TMEM63A: variants seen among roughly 807,000 people sequenced by gnomAD.
TMEM63A encodes the protein transmembrane protein 63A.
Under a neutral mutation model 100.6 loss-of-function variants are expected in TMEM63A, and 76 were observed. The ratio of observed to expected loss-of-function variants is 0.76; its 90% confidence interval spans 0.63 to 0.91. TMEM63A has a LOEUF of 0.91. Among genes scored for constraint, TMEM63A ranks in the 40% least tolerant of loss-of-function variants. TMEM63A has a pLI of 0.00. For synonymous variants in TMEM63A, 401 were observed against 401.1 expected (o/e 1.00, Z 0.00); for missense variants, 876 against 1,008.8 (o/e 0.87, Z 1.78).
chr1:225,851,339 C>T (rs1669328439), intron 20 of TMEM63A, among the ~76,000 whole-genome samples: 1 of 152,136 alleles, frequency 6.6e-6, no homozygotes, highest in Non-Finnish European at 1.5e-5. Context: ...GTGGGTGCTG[C>T]CTTTTCTATT....
chr1:225,867,134 T>C lies in TMEM63A; in HGVS notation c.544A>G (p.Thr182Ala), dbSNP rs1670255795. 6.2e-7 allele frequency: 1 copy of C among 1,614,012 alleles called. No homozygotes were observed. The highest frequency in any genetic ancestry group is 1.3e-5 in the African/African-American group (1 of 74,902). ...CACTCAGTCTGTAGGTTTGCTATTG[T>C]TGTCCTCCCAAAACTATACGGGTCT... ...DKDPYSFGRT[T>A]IANLQTDNDL... Residue 182 changes from threonine (T) to alanine (A), a missense_variant, in exon 8 of 25, where the codon ACA (threonine) becomes GCA (alanine). By Grantham distance (58) the Thr-to-Ala change is moderately conservative (BLOSUM62 0). Coordinates refer to ENST00000366835, the MANE Select transcript of TMEM63A (RefSeq NM_014698.3). The surrounding 1 kb of genome is among the most constrained non-coding windows in gnomAD (Gnocchi z 4.6).
In TMEM63A at chr1:225,865,650, T is replaced by C. The variant is rs1365937836; in HGVS notation, c.746+247A>G. 4 of 514,594 alleles carry C rather than the reference T, an allele frequency of 7.8e-6. No homozygotes were observed. The Admixed American group carries it at 9.4e-5, about 12-fold the overall frequency. The allele number at this position is 514,594 out of a possible 1,614,324, so 31.9% of individuals were successfully genotyped here. The stretch of plus-strand genomic sequence containing the variant: ...CGCACCTACACCCTGGTCTGTGCTC[T>C]GGACACTGTGCACAGGCTGCTTGAA... On this transcript the variant is annotated intron_variant, in intron 10 of 24. Transcript: ENST00000366835. This position sits in a 1 kb window ranked among gnomAD's most constrained non-coding sequence, Gnocchi z 4.6.
chr1:225,861,136 G>T, intron 13 of TMEM63A, 139 bp from the exon 14 acceptor site: 1 of 985,818 alleles, frequency 1.0e-6, no homozygotes, highest in Non-Finnish European at 1.4e-6. Context: ...TATGAGTAAC[G>T]CTATGTAAGA....
Position 225,859,236 on chromosome 1 carries a change from A to G in TMEM63A, c.1337T>C (p.Met446Thr), listed in dbSNP as rs982550757. Residue 446 changes from methionine to threonine, a missense_variant, in exon 15 of 25, where the codon ATG (methionine) becomes ACG (threonine). This residue lies in a region of TMEM63A where 487 missense variants were observed against 581.9 expected (regional missense o/e 0.84). Transcript: ENST00000366835. Reference sequence around the variant, plus strand: ...GGGTTTGGTGACATTAAACTTGTCCATGGTGGACAGGATGATGGAGGGTGT... The same window carrying G: ...GGGTTTGGTGACATTAAACTTGTCCGTGGTGGACAGGATGATGGAGGGTGT... ...LTTPSIILST[M>T]DKFNVTKPIH... is the part of the protein sequence containing the mutation. 1.2e-6 allele frequency: 2 copies of G among 1,614,134 alleles called. No individual in the cohort carries two copies. Among genetic ancestry groups the G allele is most frequent in the Non-Finnish European group, 1.7e-6 (2 of 1,180,028 alleles).
Position 225,867,861 on chromosome 1 carries a change from A to G in TMEM63A, c.514+27T>C. On this transcript the variant is annotated intron_variant, in intron 7 of 24. Transcript: ENST00000366835. The surrounding 1 kb of genome is among the most constrained non-coding windows in gnomAD (Gnocchi z 4.6). Reference sequence around the variant, plus strand: ...GACTGCCACTCTGCCCCATTACAACATAGACAAGGGTGAGGAGGGTCATTA... The same window carrying G: ...GACTGCCACTCTGCCCCATTACAACGTAGACAAGGGTGAGGAGGGTCATTA... 3 of 1,613,826 alleles carry G rather than the reference A, an allele frequency of 1.9e-6. No homozygotes were observed. The highest frequency in any genetic ancestry group is 2.5e-6 in the Non-Finnish European group (3 of 1,179,854).
chr1:225,858,861 C>T (rs999529607), intron 15 of TMEM63A, among the ~76,000 whole-genome samples: 3 of 152,002 alleles, frequency 2.0e-5, no homozygotes, highest in African/African-American at 7.3e-5. Context: ...GAATATACCA[C>T]ATTCAACTCA....
At chr1:225,858,116 C>T (rs565029528) in intron 15 of TMEM63A, among the ~76,000 whole-genome samples, 1 of 152,118 alleles carries the variant, frequency 6.6e-6, no homozygotes, top group East Asian at 1.9e-4. Flanking sequence ...CCACCTGCCC[C>T]GTGTGCTTTC....
chr1:225,871,858 C>T, intron 5 of TMEM63A, 129 bp downstream of exon 5: 1 of 673,596 alleles, frequency 1.5e-6, no homozygotes. Flanking sequence ...AGTTCAGGTG[C>T]CTTCGTCGAT....
chr1:225,869,166 C>A (rs965652897), intron 6 of TMEM63A, among the ~76,000 whole-genome samples: 1 of 152,206 alleles, frequency 6.6e-6, no homozygotes, highest in African/African-American at 2.4e-5. Flanking sequence ...ATGGAGCTTA[C>A]CCGCCTCTGA....
downstream of TMEM63A, chr1:225,842,498 A>G (rs1055693110): frequency 5.2e-6 from 8 of 1,544,218 alleles, no homozygotes; most frequent in Middle Eastern, 5.1e-4. Context: ...TTGCCCCTGC[A>G]GTCATGACCC....
chr1:225,870,950 T>C, intron 6 of TMEM63A, 126 bp downstream of exon 6: 1 of 997,174 alleles, frequency 1.0e-6, no homozygotes, highest in Non-Finnish European at 1.5e-6. Context: ...CTTTGGACAT[T>C]AACTAAAAAG....
At chr1:225,844,641 G>T, downstream of TMEM63A, 1 of 1,613,530 alleles carries the variant, frequency 6.2e-7, no homozygotes, top group Non-Finnish European at 8.5e-7. Flanking sequence ...TGGCTGAGCC[G>T]AGAACAGGGG....
intron 22 of TMEM63A, 83 bp downstream of exon 22, chr1:225,848,814 G>A: frequency 3.6e-6 from 4 of 1,117,714 alleles, no homozygotes; most frequent in Non-Finnish European, 5.3e-6. Flanking sequence ...ATACAGACAA[G>A]GGTGGGCGGG....
chr1:225,856,385 G>A (rs1669614494), intron 17 of TMEM63A, among the ~76,000 whole-genome samples: 1 of 146,532 alleles, frequency 6.8e-6, no homozygotes, highest in Non-Finnish European at 1.5e-5. Context: ...AGCACTTTGG[G>A]AGGCCGAGGC....
chr1:225,867,782 A>T lies in TMEM63A; in HGVS notation c.514+106T>A, dbSNP rs745509226. 23 of 1,426,980 alleles carry T rather than the reference A, an allele frequency of 1.6e-5. No individual in the cohort carries two copies. Among genetic ancestry groups the T allele is most frequent in the Non-Finnish European group, 2.2e-5 (23 of 1,046,564 alleles). The allele number at this position is 1,426,980 out of a possible 1,614,324, so 88.4% of individuals were successfully genotyped here. A position where few individuals can be genotyped will look rare whatever the true frequency, so the allele number is the denominator to read the frequency against. ...TCACCCTGAGACCATCTTACATCTG[A>T]AGTGGGGCATGACTCCTGGGGTTCT... On this transcript the variant is annotated intron_variant, in intron 7 of 24. Coordinates refer to ENST00000366835, the MANE Select transcript of TMEM63A (RefSeq NM_014698.3). This position sits in a 1 kb window ranked among gnomAD's most constrained non-coding sequence, Gnocchi z 4.6.
Position 225,862,498 on chromosome 1 carries a change from G to C in TMEM63A, c.908C>G (p.Pro303Arg), listed in dbSNP as rs141742746. The change falls in exon 12 of 25, where the codon CCC becomes CGC. Residue 303 changes from proline (P) to arginine (R), a missense_variant. Physicochemically the swap from Pro to Arg is moderately radical, Grantham distance 103. Transcript: ENST00000366835. This position sits in a 1 kb window ranked among gnomAD's most constrained non-coding sequence, Gnocchi z 5.1. The stretch of plus-strand genomic sequence containing the variant: ...TTCACAGCAGCAAAACTGGCCACAG[G>C]GCTTGGGGTTGATGAGGGTCCGCTG... ...TGQRTLINPK[P>R]CGQFCCCEVL... The C allele has an allele frequency of 3.7e-6, 6 of 1,614,060 alleles. No individual in the cohort carries two copies. The African/African-American group carries it at 8.0e-5, about 22-fold the overall frequency.
At chr1:225,854,850 G>A (rs557093577) in intron 18 of TMEM63A, among the ~76,000 whole-genome samples, 14 of 152,304 alleles carry the variant, frequency 9.2e-5, no homozygotes, top group Admixed American at 7.8e-4. Context: ...ATCTAGAGTT[G>A]GGGAGATGGG....
At chr1:225,848,335 A>G in intron 23 of TMEM63A, 157 bp downstream of exon 23, 1 of 692,158 alleles carries the variant, frequency 1.4e-6, no homozygotes, top group Admixed American at 2.9e-5. Context: ...ACCCAGGGGG[A>G]CCAGGATTCC....
At chr1:225,850,946 C>T (rs573277290) in intron 20 of TMEM63A, among the ~76,000 whole-genome samples, 7 of 152,230 alleles carry the variant, frequency 4.6e-5, no homozygotes, top group African/African-American at 1.4e-4. Context: ...CTCCTGACCT[C>T]GTGATCCGCC....
Sources: allele counts gnomAD v4.1 joint callset (sites outside exome capture counted in the v4.1 genomes callset), GRCh38; gene constraint gnomAD v4.1.1; regional missense constraint gnomAD v4.1.1; non-coding constraint Gnocchi (gnomAD v3.1); transcripts MANE v1.5; gene names NCBI Gene and HGNC (gene_info 2026-07-23, HGNC 2026-07-21).